The following SLC22A14 variants were observed in gnomAD, a reference collection of about 807,000 sequenced individuals.
The protein encoded by SLC22A14 is organic cation transporter-like 4.
Under a neutral mutation model 53.9 loss-of-function variants are expected in SLC22A14, and 50 were observed. That is an observed-to-expected ratio of 0.93 (90% CI 0.74 to 1.17). The LOEUF is 1.17. Ranked by LOEUF, SLC22A14 falls within the 50% of genes most tolerant of loss-of-function variation. The pLI is 0.00. For synonymous variants in SLC22A14, 312 were observed against 303.0 expected (o/e 1.03, Z -0.31); for missense variants, 671 against 734.7 (o/e 0.91, Z 1.00).
rs375343792 is a variant in SLC22A14, at chr3:38,313,111, C to G, written c.1057C>G (p.Leu353Val). The G allele has an allele frequency of 6.2e-7, 1 of 1,610,210 alleles. No homozygotes were observed. The highest frequency in any genetic ancestry group is 1.3e-5 in the African/African-American group (1 of 74,926). ...CAAGAAGACCATTCCTTCAAATCTG[C>G]TGGACGAGGTAAAGGGCTTCTGGCC... ...VNKKTIPSNLLDELQLPRKKV... is the reference protein window; with the variant it reads ...VNKKTIPSNLVDELQLPRKKV... Residue 353 changes from leucine to valine, a missense_variant, in exon 6 of 11, where the codon CTG becomes GTG. Transcript: ENST00000448498.
chr3:38,308,781 A>G (rs901471021), intron 4 of SLC22A14, among the ~76,000 whole-genome samples, 173 bp from the exon 5 acceptor site: 2 of 152,096 alleles, frequency 1.3e-5, no homozygotes, highest in African/African-American at 4.8e-5. Flanking sequence ...GAACAGAGGC[A>G]CTCTACCGGG....
At chr3:38,312,848 G>A (rs963802628) in intron 5 of SLC22A14, 151 bp from the exon 6 acceptor site, 36 of 965,396 alleles carry the variant, frequency 3.7e-5, no homozygotes, top group Non-Finnish European at 5.4e-5. Flanking sequence ...GGAGCAGAGG[G>A]CAGCTCGAGG....
chr3:38,300,022 T>A (rs1704125820), intron 1 of SLC22A14, among the ~76,000 whole-genome samples: 1 of 152,238 alleles, frequency 6.6e-6, no homozygotes, highest in Non-Finnish European at 1.5e-5. Flanking sequence ...GTCTTCGGGA[T>A]AAATTCCCAA....
At chr3:38,317,882 GT>G (rs200418004) in intron 10 of SLC22A14, among the ~76,000 whole-genome samples, 1 of 152,174 alleles carries the variant, frequency 6.6e-6, no homozygotes, top group Non-Finnish European at 1.5e-5. Context: ...TCTCCCATGG[GT>G]TTTTTTGAGA....
intron 1 of SLC22A14, chr3:38,305,711 G>A: frequency 3.0e-6 from 1 of 328,624 alleles, no homozygotes; most frequent in East Asian, 6.0e-5. Context: ...CTCAGTGTGT[G>A]TGTAAACAAA....
upstream of SLC22A14, among the ~76,000 whole-genome samples, chr3:38,279,870 G>A (rs540919523): frequency 8.5e-5 from 13 of 152,274 alleles, no homozygotes; most frequent in Admixed American, 5.2e-4. Context: ...GTGTGAAAGC[G>A]AAACTGTGCC....
chr3:38,279,825 A>G (rs955733890), upstream of SLC22A14, among the ~76,000 whole-genome samples: 1 of 152,138 alleles, frequency 6.6e-6, no homozygotes, highest in Non-Finnish European at 1.5e-5. Flanking sequence ...GGTTACGGCA[A>G]TGGTGACTAT....
intron 8 of SLC22A14, among the ~76,000 whole-genome samples, chr3:38,314,613 C>T (rs1704571841): frequency 6.6e-6 from 1 of 152,220 alleles, no homozygotes. Flanking sequence ...GCCTGCGGAG[C>T]CCTTTCACAG....
chr3:38,313,875 T>C lies in SLC22A14; in HGVS notation c.1312T>C (p.Trp438Arg), dbSNP rs768854614. The C allele has an allele frequency of 6.2e-7, 1 of 1,614,022 alleles. No individual in the cohort carries two copies. Among genetic ancestry groups the C allele is most frequent in the South Asian group, 1.1e-5 (1 of 91,080 alleles). The change falls in exon 8 of 11, where the codon TGG becomes CGG. Residue 438 changes from tryptophan to arginine, a missense_variant. Coordinates refer to ENST00000448498, the MANE Select transcript of SLC22A14 (RefSeq NM_001320033.2). ...IFLLQQIGRK[W>R]SLAVTLLQAI... ...TCTCCTCCAGCAGATTGGGAGGAAG[T>C]GGAGCCTGGCTGTGACTCTCCTCCA...
intron 10 of SLC22A14, 56 bp downstream of exon 10, chr3:38,316,580 G>A: frequency 6.6e-7 from 1 of 1,505,670 alleles, no homozygotes; most frequent in Non-Finnish European, 9.2e-7. Flanking sequence ...CTGAAGCCTT[G>A]GCACAGAGAG....
rs1014835476 is a variant in SLC22A14 at position 38,307,194 on chromosome 3, G to A, written c.517-60G>A. 2 of 1,174,936 alleles carry A rather than the reference G, an allele frequency of 1.7e-6. No homozygotes were observed. Among genetic ancestry groups the A allele is most frequent in the Non-Finnish European group, 2.6e-6 (2 of 778,974 alleles). The allele number at this position is 1,174,936 out of a possible 1,614,324, so 72.8% of individuals were successfully genotyped here. ...GCCTATAGGTCCCACGCTGGGATGAGTCTCAGTCTCTGGACCCAAAGGTGG... is the reference window on the plus strand; with the variant it reads ...GCCTATAGGTCCCACGCTGGGATGAATCTCAGTCTCTGGACCCAAAGGTGG... On this transcript the variant is annotated intron_variant, in intron 2 of 10. Transcript: ENST00000448498. The surrounding 1 kb of genome is among the most constrained non-coding windows in gnomAD (Gnocchi z 4.4).
At chr3:38,301,241 C>T (rs1704153584) in intron 1 of SLC22A14, among the ~76,000 whole-genome samples, 1 of 152,240 alleles carries the variant, frequency 6.6e-6, no homozygotes, top group Non-Finnish European at 1.5e-5. Context: ...ATCAGGGTGT[C>T]TGGGTTAACT....
intron 1 of SLC22A14, among the ~76,000 whole-genome samples, chr3:38,284,915 G>A (rs1362921898): frequency 2.6e-5 from 4 of 152,144 alleles, no homozygotes; most frequent in East Asian, 1.9e-4. Context: ...TGCTCTTTCC[G>A]GAGGACATTA....
Position 38,307,233 on chromosome 3 carries a change from ATC to A in SLC22A14, c.517-17_517-16del. 1 of 1,588,408 alleles carries A rather than the reference ATC, an allele frequency of 6.3e-7. No homozygotes were observed. Among genetic ancestry groups the A allele is most frequent in the Middle Eastern group, 1.7e-4 (1 of 6,014 alleles). On this transcript the variant is annotated intron_variant, in intron 2 of 10. Coordinates refer to ENST00000448498, the MANE Select transcript of SLC22A14 (RefSeq NM_001320033.2). This position sits in a 1 kb window ranked among gnomAD's most constrained non-coding sequence, Gnocchi z 4.4. ...ACCCAAAGGTGGGCACCCGTGGCCA[ATC>A]TCTGTGTCTGACCCACAGTTTGACT...
intron 5 of SLC22A14, 45 bp downstream of exon 5, chr3:38,309,167 G>T (rs773389487): frequency 6.5e-7 from 1 of 1,537,818 alleles, no homozygotes; most frequent in African/African-American, 1.4e-5. Flanking sequence ...GGTCTGATGG[G>T]CTGGATGTCG....
In SLC22A14 at chr3:38,307,294, C is replaced by T. The variant is rs375816149; in HGVS notation, c.557C>T (p.Ala186Val). Residue 186 changes from alanine (A) to valine (V), a missense_variant, in exon 3 of 11, where the codon GCA becomes GTA. Transcript: ENST00000448498. This position sits in a 1 kb window ranked among gnomAD's most constrained non-coding sequence, Gnocchi z 4.4. ...GGCATGGAGACGAAGAAGGACACTGCACAGATCATGTTCATGGCAGGGCTC... is the reference window on the plus strand; with the variant it reads ...GGCATGGAGACGAAGAAGGACACTGTACAGATCATGTTCATGGCAGGGCTC... The part of the protein sequence containing the change: ...VCGMETKKDT[A>V]QIMFMAGLPI... The T allele has an allele frequency of 1.2e-6, 2 of 1,614,096 alleles. No individual in the cohort carries two copies. The highest frequency in any genetic ancestry group is 1.7e-6 in the Non-Finnish European group (2 of 1,179,932).
Position 38,309,015 on chromosome 3 carries a change from C to G in SLC22A14, c.837C>G (p.Phe279Leu), listed in dbSNP as rs201940470. 2 of 1,613,952 alleles carry G rather than the reference C, an allele frequency of 1.2e-6. No individual in the cohort carries two copies. The highest frequency in any genetic ancestry group is 1.7e-6 in the Non-Finnish European group (2 of 1,179,910). The change falls in exon 5 of 11, where the codon TTC becomes TTG. Residue 279 changes from phenylalanine to leucine, a missense_variant. Transcript: ENST00000448498. ...AHAIILGHCF[F>L]AVGAVLLTGI... ...CCATTATCCTGGGACACTGCTTTTT[C>G]GCTGTTGGGGCCGTGTTGCTGACAG...
At chr3:38,291,301 G>C (rs531724839) in intron 1 of SLC22A14, among the ~76,000 whole-genome samples, 1 of 152,156 alleles carries the variant, frequency 6.6e-6, no homozygotes, top group African/African-American at 2.4e-5. Flanking sequence ...CCCCTTGAGC[G>C]GCGTAGGTTT....
rs199897753 is a variant in SLC22A14, at chr3:38,315,525, G to A, written c.1379-33G>A. On this transcript the variant is annotated intron_variant, in intron 8 of 10. Coordinates refer to ENST00000448498, the MANE Select transcript of SLC22A14 (RefSeq NM_001320033.2). ...TGCCTTCTGGGAGGGGTCAAGGGAG[G>A]GCTGATGAGTGGAACTCCTTCACCC... 30 of 1,602,506 alleles carry A rather than the reference G, an allele frequency of 1.9e-5. No individual in the cohort carries two copies. The Middle Eastern group carries it at 5.1e-4, about 27-fold the overall frequency.
Sources: gnomAD v4.1 joint callset for allele counts (sites outside exome capture counted in the v4.1 genomes callset) on GRCh38, gnomAD v4.1.1 for gene constraint, Gnocchi (gnomAD v3.1) non-coding constraint, MANE v1.5 for transcripts, NCBI Gene and HGNC (gene_info 2026-07-23, HGNC 2026-07-21) for gene names.